The following EYA4 variants were observed in gnomAD, a reference collection of about 807,000 sequenced individuals.
EYA4 encodes the protein EYA transcriptional coactivator and phosphatase 4.
In EYA4, 31 loss-of-function variants were observed where a neutral mutation model predicts 87.9. That is an observed-to-expected ratio of 0.35 (90% CI 0.27 to 0.48). EYA4 has a LOEUF of 0.48. EYA4 is among the 20% of genes least tolerant of loss of function. The probability of loss-of-function intolerance (pLI) is 0.99; values close to 1 mark genes in which losing one functional copy is unlikely to be tolerated. For missense variants in EYA4, 678 were observed against 761.4 expected, an observed-to-expected ratio of 0.89 and a Z score of 1.29; for synonymous variants, 263 against 270.6, an observed-to-expected ratio of 0.97 and a Z score of 0.28.
At chr6:133,527,398 C>T (rs908879028) in intron 19 of EYA4, among the ~76,000 whole-genome samples, 4 of 152,306 alleles carry the variant, frequency 2.6e-5, no homozygotes, top group African/African-American at 9.6e-5. Context: ...TCTAGCTGCG[C>T]TCTTCCATAG....
chr6:133,498,091 T>C (rs535588258), intron 13 of EYA4, among the ~76,000 whole-genome samples: 54 of 152,344 alleles, frequency 3.5e-4, no homozygotes, highest in Middle Eastern at 3.4e-3. Flanking sequence ...TTTTAAATGA[T>C]AGGCTAGTCA....
At chr6:133,415,573 A>G (rs1204389615) in intron 3 of EYA4, among the ~76,000 whole-genome samples, 1 of 152,024 alleles carries the variant, frequency 6.6e-6, no homozygotes, top group East Asian at 1.9e-4. Context: ...TGTGCCAATT[A>G]TATTTAAATT....
At chr6:133,420,019 CATTTTTGAGGTG>C (rs1438548545) in intron 3 of EYA4, among the ~76,000 whole-genome samples, 1 of 151,950 alleles carries the variant, frequency 6.6e-6, no homozygotes, top group African/African-American at 2.4e-5. Flanking sequence ...GGAAGGAGTA[CATTTTTGAGGTG>C]ATTAGCCATA....
chr6:133,329,422 G>A (rs9493594), intron 2 of EYA4, among the ~76,000 whole-genome samples: 3,808 of 152,080 alleles, frequency 0.025, 168 homozygotes, highest in African/African-American at 0.088. Flanking sequence ...AATTCTGGAC[G>A]GAGAATTTGA....
intron 2 of EYA4, among the ~76,000 whole-genome samples, chr6:133,288,968 G>C (rs999233557): frequency 1.3e-5 from 2 of 152,126 alleles, no homozygotes; most frequent in Non-Finnish European, 2.9e-5. Flanking sequence ...GTAAGAAAAG[G>C]CATCCCAGAG....
At chr6:133,292,525 G>T (rs867422652) in intron 2 of EYA4, among the ~76,000 whole-genome samples, 5 of 152,154 alleles carry the variant, frequency 3.3e-5, no homozygotes, top group African/African-American at 1.2e-4. Context: ...ATTGAATGTT[G>T]ATGTTGGGAT....
chr6:133,491,636 A>G (rs1797162222), intron 13 of EYA4, among the ~76,000 whole-genome samples: 1 of 152,130 alleles, frequency 6.6e-6, no homozygotes, highest in South Asian at 2.1e-4. Context: ...AATAACAAGT[A>G]GAGATGGAAG....
In EYA4 at chr6:133,367,366, C is replaced by A. The variant is rs558585895; in HGVS notation, c.34-15026C>A. 2.0e-5 allele frequency among the ~76,000 whole-genome samples: 3 copies of A among 152,136 alleles called. No homozygotes were observed. In the East Asian group the frequency reaches 5.8e-4, roughly 29 times the overall value. ...GACAAAGTAAATGTAAAGGATGCAC[C>A]CCATGAAACTGCAGTAATTAATTTA... On this transcript the variant is annotated intron_variant, in intron 2 of 19. Transcript: ENST00000355286.
intron 13 of EYA4, among the ~76,000 whole-genome samples, chr6:133,505,600 G>A (rs964426954): frequency 1.3e-5 from 2 of 152,148 alleles, no homozygotes; most frequent in Non-Finnish European, 2.9e-5. Flanking sequence ...ACCATCCTCT[G>A]CCAGCTCTTC....
At chr6:133,447,614 G>A (rs1388125414) in intron 4 of EYA4, among the ~76,000 whole-genome samples, 1 of 152,048 alleles carries the variant, frequency 6.6e-6, no homozygotes, top group Non-Finnish European at 1.5e-5. Context: ...CTGTGAAATT[G>A]ATACACCTCT....
intron 3 of EYA4, among the ~76,000 whole-genome samples, chr6:133,394,284 G>GT (rs869103311): frequency 0.031 from 553 of 17,850 alleles, 79 homozygotes; most frequent in African/African-American, 0.047. Context: ...ATAAGCTTGT[G>GT]TTTTTTTTTT....
At chr6:133,302,081 A>G (rs746666050) in intron 2 of EYA4, among the ~76,000 whole-genome samples, 29 of 152,214 alleles carry the variant, frequency 1.9e-4, no homozygotes, top group Non-Finnish European at 4.3e-4. Flanking sequence ...AGTTTTTGCA[A>G]ATGACTCAGA....
At chr6:133,248,009 C>T (rs1039939168) in intron 1 of EYA4, 2 of 152,142 alleles carry the variant, frequency 1.3e-5, no homozygotes, top group African/African-American at 2.4e-5. Context: ...TCTACTCTCC[C>T]TTCTATAACT....
chr6:133,409,246 C>T (rs147875744), intron 3 of EYA4, among the ~76,000 whole-genome samples: 25 of 152,216 alleles, frequency 1.6e-4, no homozygotes, highest in Admixed American at 5.2e-4. Context: ...TTTATTGCAG[C>T]GTTATTCACA....
chr6:133,475,832 A>G (rs1241228666), intron 11 of EYA4, among the ~76,000 whole-genome samples: 2 of 152,250 alleles, frequency 1.3e-5, no homozygotes, highest in Admixed American at 1.3e-4. Context: ...AGAAGAAAGG[A>G]TAGCACCTGC....
chr6:133,302,843 C>T (rs948654031), intron 2 of EYA4, among the ~76,000 whole-genome samples: 1 of 152,120 alleles, frequency 6.6e-6, no homozygotes, highest in Non-Finnish European at 1.5e-5. Context: ...ATTATATTAG[C>T]AATATCAACC....
intron 3 of EYA4, among the ~76,000 whole-genome samples, chr6:133,427,219 T>C (rs1343237539): frequency 6.6e-6 from 1 of 152,234 alleles, no homozygotes; most frequent in African/African-American, 2.4e-5. Context: ...TGTGATACTT[T>C]AGAGGCAATT....
At chr6:133,511,566 C>T (rs1204899190) in intron 14 of EYA4, 1 of 151,954 alleles carries the variant, frequency 6.6e-6, no homozygotes, top group African/African-American at 2.4e-5. Flanking sequence ...TAATATTGCG[C>T]TGGAACTTTG....
chr6:133,332,780 T>G (rs1782077509), intron 2 of EYA4, among the ~76,000 whole-genome samples: 1 of 148,284 alleles, frequency 6.7e-6, no homozygotes, highest in South Asian at 2.1e-4. Context: ...GCCAGGATGG[T>G]CTCAATCTCC....
Sources: allele counts gnomAD v4.1 joint callset (sites outside exome capture counted in the v4.1 genomes callset), GRCh38; gene constraint gnomAD v4.1.1; transcripts MANE v1.5; gene names NCBI Gene and HGNC (gene_info 2026-07-23, HGNC 2026-07-21).